The following CTBP2 variants were observed in gnomAD, a reference collection of about 807,000 sequenced individuals.
CTBP2 encodes C-terminal binding protein 2.
In CTBP2, 30 loss-of-function variants were observed where a neutral mutation model predicts 80.3. The ratio of observed to expected loss-of-function variants is 0.37; its 90% CI spans 0.28 to 0.51. CTBP2 has a LOEUF of 0.51. CTBP2 is among the 20% of genes least tolerant of loss of function. CTBP2 has a pLI of 0.93. For synonymous variants in CTBP2, 594 were observed against 587.4 expected, an observed-to-expected ratio of 1.01 and a Z score of -0.16; for missense variants, 1,212 against 1,375.3, an observed-to-expected ratio of 0.88 and a Z score of 1.88.
At chr10:125,121,797 C>T (rs1041013204) in intron 1 of CTBP2, among the ~76,000 whole-genome samples, 1 of 152,256 alleles carries the variant, frequency 6.6e-6, no homozygotes, top group East Asian at 1.9e-4. Context: ...CCTTGCGCCA[C>T]ACCACGCTGT....
chr10:125,026,191 G>GGTGGATGGCCCCAGGGGT lies in CTBP2; in HGVS notation c.1551_1568dup (p.Pro518_Thr523dup). The GGTGGATGGCCCCAGGGGT allele has an allele frequency of 6.2e-7, 1 of 1,612,580 alleles. No homozygotes were observed. Among genetic ancestry groups the GGTGGATGGCCCCAGGGGT allele is most frequent in the Non-Finnish European group, 8.5e-7 (1 of 1,179,132 alleles). ...GGAGGCTCTGGCTGGCCGGCGGCAG[G>GGTGGATGGCCCCAGGGGT]GTGGATGGCCCCAGGGGTGCACCTG... is the stretch of plus-strand genomic sequence containing the variant. On this transcript the variant is annotated inframe_insertion, in exon 1 of 9. Coordinates refer to ENST00000309035, the MANE Select transcript of CTBP2 (RefSeq NM_022802.3).
At chr10:125,146,931 G>A (rs946527492) in intron 1 of CTBP2, among the ~76,000 whole-genome samples, 2 of 152,112 alleles carry the variant, frequency 1.3e-5, no homozygotes, top group Non-Finnish European at 2.9e-5. Flanking sequence ...CATTGCCAGG[G>A]CCTGGGGTCA....
At chr10:125,008,649 T>A (rs1315691947) in intron 1 of CTBP2, among the ~76,000 whole-genome samples, 1 of 152,246 alleles carries the variant, frequency 6.6e-6, no homozygotes, top group Non-Finnish European at 1.5e-5. Context: ...GGTGTCAGAG[T>A]GCTGCAAGCA....
Position 125,146,428 on chromosome 10 carries a change from G to A in CTBP2, c.-206+13891C>T, listed in dbSNP as rs376465255. Among the ~76,000 whole-genome samples the A allele has an allele frequency of 1.1e-3, 159 of 149,468 alleles. 7 individuals are homozygous for A. In the South Asian group the frequency reaches 0.032, roughly 30 times the overall value. On this transcript the variant is annotated intron_variant, in intron 1 of 10. Transcript: ENST00000337195. ...CCCAAATAGCTAGGATTACAGGTGCGCGCCACCACGCATGGCTAATTTTTT... is the reference window on the plus strand; with the variant it reads ...CCCAAATAGCTAGGATTACAGGTGCACGCCACCACGCATGGCTAATTTTTT...
At chr10:125,006,724 G>C (rs368746232) in intron 1 of CTBP2, among the ~76,000 whole-genome samples, 2 of 152,336 alleles carry the variant, frequency 1.3e-5, no homozygotes, top group South Asian at 2.1e-4. Flanking sequence ...CTGACACACA[G>C]AGTAAGATTC....
chr10:125,046,879 C>T (rs1001398477), intron 2 of CTBP2, among the ~76,000 whole-genome samples: 2 of 152,200 alleles, frequency 1.3e-5, no homozygotes, highest in Non-Finnish European at 2.9e-5. Context: ...CACGAAAATA[C>T]ATTTCCTCGT....
intron 2 of CTBP2, among the ~76,000 whole-genome samples, chr10:125,093,799 G>A (rs1849140825): frequency 6.6e-6 from 1 of 152,226 alleles, no homozygotes; most frequent in South Asian, 2.1e-4. Context: ...GTGGCTGGAA[G>A]TGAAAATGTA....
chr10:125,023,049 G>A (rs1439147178), intron 1 of CTBP2, among the ~76,000 whole-genome samples: 1 of 152,220 alleles, frequency 6.6e-6, no homozygotes, highest in Non-Finnish European at 1.5e-5. Context: ...GAAGCCATGA[G>A]AGTGACCAGC....
intron 1 of CTBP2, among the ~76,000 whole-genome samples, chr10:125,128,672 G>T (rs539114583): frequency 6.6e-5 from 10 of 152,188 alleles, no homozygotes; most frequent in African/African-American, 2.2e-4. Flanking sequence ...GAAAGCCAAC[G>T]TTCTGTAGGG....
chr10:125,138,419 T>C (rs1452663640), intron 1 of CTBP2, among the ~76,000 whole-genome samples: 3 of 152,148 alleles, frequency 2.0e-5, no homozygotes, highest in Non-Finnish European at 4.4e-5. Context: ...TGTGTTTGAC[T>C]TGAAACACAT....
Position 125,003,504 on chromosome 10 carries a change from G to A in CTBP2, c.1679-12C>T, listed in dbSNP as rs1565059657. On this transcript the variant is annotated splice_polypyrimidine_tract_variant and intron_variant, in intron 1 of 8. Transcript: ENST00000309035. ...CTGGGGGCGGATACCTGCCAGGAGG[G>A]AAGGGGTGAGCACAGTGGGTGGGTG... 1 of 1,547,620 alleles carries A rather than the reference G, an allele frequency of 6.5e-7. No individual in the cohort carries two copies. The highest frequency in any genetic ancestry group is 1.2e-5 in the South Asian group (1 of 81,198).
rs575126044 is a variant in CTBP2, at chr10:125,096,789, G to A, written c.-102+14201C>T. 2.2e-5 allele frequency among the ~76,000 whole-genome samples: 3 copies of A among 138,146 alleles called. No homozygotes were observed. The East Asian group carries it at 7.1e-4, about 33-fold the overall frequency. The allele number at this position is 138,146 out of a possible 152,430, so 90.6% of individuals were successfully genotyped here. On this transcript the variant is annotated intron_variant, in intron 2 of 10. Coordinates refer to the CTBP2 transcript ENST00000337195. ...TTAACTAGTGGTTTAATGGGGGGGT[G>A]GGGGGGAGATGTCTGATATACAAGA...
intron 1 of CTBP2, among the ~76,000 whole-genome samples, chr10:125,141,576 A>G (rs767562736): frequency 6.6e-5 from 10 of 152,188 alleles, no homozygotes; most frequent in Non-Finnish European, 1.3e-4. Context: ...CCCAGAAGTC[A>G]CAGGAGCACG....
chr10:125,103,213 C>T (rs1564925463), intron 2 of CTBP2, among the ~76,000 whole-genome samples: 3 of 152,216 alleles, frequency 2.0e-5, no homozygotes, highest in Non-Finnish European at 2.9e-5. Flanking sequence ...CAGACAGCTG[C>T]TGCGATGCGC....
At chr10:125,014,316 GT>G (rs1554966433) in intron 1 of CTBP2, among the ~76,000 whole-genome samples, 1 of 152,230 alleles carries the variant, frequency 6.6e-6, no homozygotes, top group Non-Finnish European at 1.5e-5. Context: ...ACTGGGCGTG[GT>G]GCCACGTGCC....
rs1305348568 is a variant in CTBP2, at chr10:124,988,189, A to AT, written c.*1328dup. 1 of 152,616 alleles carries AT rather than the reference A, an allele frequency of 6.6e-6. No homozygotes were observed. The highest frequency in any genetic ancestry group is 2.4e-5 in the African/African-American group (1 of 41,442). 9.5% of individuals were successfully genotyped at this position (152,616 alleles called of 1,614,324 possible). Reference sequence around the variant, plus strand: ...ATTAAACTTTTTGTTATCACAGGTAATTAATTGTCAGCGGTCTTGAGTCTG... The same window carrying AT: ...ATTAAACTTTTTGTTATCACAGGTAATTTAATTGTCAGCGGTCTTGAGTCTG... On this transcript the variant is annotated 3_prime_UTR_variant, in exon 9 of 9. Transcript: ENST00000309035.
At position 125,002,969 on chromosome 10, in the gene CTBP2, C is replaced by G. The variant is rs76079088; in HGVS notation, c.1969G>C (p.Gly657Arg). The change falls in exon 3 of 9, where the codon GGC (glycine) becomes CGC (arginine). Residue 657 changes from glycine (G) to arginine (R), a missense_variant. Physicochemically the swap from Gly to Arg is moderately radical, Grantham distance 125 (BLOSUM62 -2). Coordinates refer to ENST00000309035, the MANE Select transcript of CTBP2 (RefSeq NM_022802.3). ...GCTGCCTCGCACTCACCGAGCTCGC[C>G]GGCAGCCTTGATGTCCACGTTGTCA... 6.2e-7 allele frequency: 1 copy of G among 1,612,704 alleles called. No homozygotes were observed. The highest frequency in any genetic ancestry group is 8.5e-7 in the Non-Finnish European group (1 of 1,179,914).
At position 125,026,677 on chromosome 10, in the gene CTBP2, C is replaced by T. The variant is rs1379195904; in HGVS notation, c.1083G>A (p.Gly361=). ...TGGACCGCGCCCGGGGCAGCGGGCC[C>T]CCCCGGTCCTGCCTCCGCAGCTGCA... Residue 361 remains glycine, a synonymous_variant, in exon 1 of 9, where the codon GGG becomes GGA. Coordinates refer to ENST00000309035, the MANE Select transcript of CTBP2 (RefSeq NM_022802.3). The T allele has an allele frequency of 6.2e-7, 1 of 1,607,988 alleles. No homozygotes were observed.
chr10:125,160,477 C>T (rs1279814129), exon 1 of CTBP2: 1 of 150,792 alleles, frequency 6.6e-6, no homozygotes, highest in African/African-American at 2.4e-5. Context: ...CGGTCCCTCG[C>T]TCCTCGGGCC....
Sources: gnomAD v4.1 joint callset for allele counts (sites outside exome capture counted in the v4.1 genomes callset) on GRCh38, gnomAD v4.1.1 for gene constraint, MANE v1.5 for transcripts, NCBI Gene and HGNC (gene_info 2026-07-23, HGNC 2026-07-21) for gene names.